The following BCKDHB variants were observed in gnomAD, a reference collection of about 807,000 sequenced individuals.
BCKDHB encodes the protein 2-oxoisovalerate dehydrogenase subunit beta, mitochondrial.
In BCKDHB, 41 loss-of-function variants were observed where a neutral mutation model predicts 48.5. The observed-to-expected ratio is 0.85, with a 90% CI of 0.66 to 1.10. The LOEUF is 1.10. Among genes scored for constraint, BCKDHB ranks in the 50% least tolerant of loss-of-function variants. The pLI is 0.00. For synonymous variants in BCKDHB, 201 were observed against 174.8 expected (o/e 1.15, Z -1.18); for missense variants, 496 against 494.2 (o/e 1.00, Z -0.03).
chr6:80,137,799 G>A (rs553268894), intron 3 of BCKDHB, among the ~76,000 whole-genome samples: 1 of 152,080 alleles, frequency 6.6e-6, no homozygotes, highest in East Asian at 1.9e-4. Flanking sequence ...TACTGTTGAA[G>A]CTGGCTGGGC....
At chr6:80,259,687 G>A (rs1337655381) in intron 8 of BCKDHB, among the ~76,000 whole-genome samples, 1 of 151,910 alleles carries the variant, frequency 6.6e-6, no homozygotes, top group Admixed American at 6.6e-5. Flanking sequence ...TTAATTTATT[G>A]GAAATAACGA....
At chr6:80,198,505 T>C (rs918640490) in intron 6 of BCKDHB, among the ~76,000 whole-genome samples, 1 of 152,198 alleles carries the variant, frequency 6.6e-6, no homozygotes, top group Non-Finnish European at 1.5e-5. Context: ...ACACTGATTA[T>C]ATAAATGTCA....
At chr6:80,216,986 C>G (rs1487892990) in intron 8 of BCKDHB, among the ~76,000 whole-genome samples, 1 of 152,022 alleles carries the variant, frequency 6.6e-6, no homozygotes, top group African/African-American at 2.4e-5. Context: ...GTGGCTCACT[C>G]CTGTAATCCT....
chr6:80,245,036 G>A (rs888398920), intron 8 of BCKDHB, among the ~76,000 whole-genome samples: 1 of 151,750 alleles, frequency 6.6e-6, no homozygotes, highest in East Asian at 1.9e-4. Flanking sequence ...CTCTCTATCA[G>A]TTTCCTCATC....
At chr6:80,337,196 G>A (rs984756782) in intron 9 of BCKDHB, among the ~76,000 whole-genome samples, 57 of 152,070 alleles carry the variant, frequency 3.7e-4, no homozygotes, top group African/African-American at 1.3e-3. Context: ...AAATGTTCAT[G>A]GCAGATTTAA....
At position 80,249,199 on chromosome 6, in the gene BCKDHB, G is replaced by A. The variant is rs532788140; in HGVS notation, c.952-23936G>A. ...CCCAATCCTCATCCCCAGTTGTGGT[G>A]ACCAAAAATGTCTTTAAGCATTGCT... On this transcript the variant is annotated intron_variant, in intron 8 of 9. Transcript: ENST00000320393. Among the ~76,000 whole-genome samples the A allele has an allele frequency of 1.3e-4, 20 of 151,192 alleles. No individual in the cohort carries two copies. In the South Asian group the frequency reaches 4.0e-3, roughly 30 times the overall value.
At position 80,122,212 on chromosome 6, in the gene BCKDHB, G is replaced by A. The variant is rs568980517; in HGVS notation, c.197-5335G>A. 2.3e-3 allele frequency among the ~76,000 whole-genome samples: 350 copies of A among 149,598 alleles called. 1 individual carries two copies. Among genetic ancestry groups the A allele is most frequent in the African/African-American group, 8.0e-3 (323 of 40,622 alleles). ...TCCCAGGGATGAAGTTGACTTGATCGTGGTGGATAAGATTTTTTATGTGCT... is the reference window on the plus strand; with the variant it reads ...TCCCAGGGATGAAGTTGACTTGATCATGGTGGATAAGATTTTTTATGTGCT... On this transcript the variant is annotated intron_variant, in intron 1 of 9. Coordinates refer to ENST00000320393, the MANE Select transcript of BCKDHB (RefSeq NM_183050.4).
At chr6:80,276,841 A>T (rs909920278) in intron 9 of BCKDHB, among the ~76,000 whole-genome samples, 39 of 151,992 alleles carry the variant, frequency 2.6e-4, no homozygotes, top group African/African-American at 9.4e-4. Context: ...TTCATAAAAC[A>T]TATATATAGA....
chr6:80,170,183 C>T (rs1045051495), intron 5 of BCKDHB, among the ~76,000 whole-genome samples: 1 of 151,942 alleles, frequency 6.6e-6, no homozygotes, highest in African/African-American at 2.4e-5. Flanking sequence ...GTTCAGAGGT[C>T]CAGAACAGAA....
At chr6:80,244,282 G>T (rs1390615260) in intron 8 of BCKDHB, among the ~76,000 whole-genome samples, 1 of 152,256 alleles carries the variant, frequency 6.6e-6, no homozygotes, top group Non-Finnish European at 1.5e-5. Context: ...GTAGGTGGAT[G>T]TCTTAAACCA....
At chr6:80,427,760 A>G in the BCKDHB span, among the ~76,000 whole-genome samples, 1 of 152,164 alleles carries the variant, frequency 6.6e-6, no homozygotes, top group African/African-American at 2.4e-5. Context: ...ATTTTCTTCA[A>G]ATCTTTGAAG....
At chr6:80,394,381 C>A in the BCKDHB span, among the ~76,000 whole-genome samples, 1 of 150,896 alleles carries the variant, frequency 6.6e-6, no homozygotes, top group African/African-American at 2.4e-5. Flanking sequence ...AAATAGAGTT[C>A]TATTCTTGTT....
chr6:80,322,889 CTTTTTTCTTTT>C (rs1481422194), intron 9 of BCKDHB, among the ~76,000 whole-genome samples: 8 of 116,634 alleles, frequency 6.9e-5, no homozygotes, highest in African/African-American at 2.5e-4. Context: ...CTTTTTTTTT[CTTTTTTCTTTT>C]TTTTTTTTTT....
intron 9 of BCKDHB, among the ~76,000 whole-genome samples, chr6:80,335,486 G>A (rs1769543045): frequency 6.6e-6 from 1 of 151,936 alleles, no homozygotes; most frequent in Non-Finnish European, 1.5e-5. Context: ...TATAAAATTT[G>A]AGAAGCTTCA....
chr6:80,361,634 C>T, the BCKDHB span, among the ~76,000 whole-genome samples: 1 of 152,186 alleles, frequency 6.6e-6, no homozygotes, highest in Non-Finnish European at 1.5e-5. Flanking sequence ...AGCATCACCC[C>T]CTCTAGAACT....
intron 8 of BCKDHB, among the ~76,000 whole-genome samples, chr6:80,229,712 T>C (rs1276751850): frequency 6.6e-6 from 1 of 152,060 alleles, no homozygotes; most frequent in Non-Finnish European, 1.5e-5. Flanking sequence ...TTAGAATCAA[T>C]GAAATAATTG....
chr6:80,324,533 CTAGCATATATATATATAT>C (rs1214729523), intron 9 of BCKDHB, among the ~76,000 whole-genome samples: 1 of 131,484 alleles, frequency 7.6e-6, no homozygotes, highest in Admixed American at 7.2e-5. Flanking sequence ...AAAGAACATT[CTAGCATATATATATATAT>C]TAGCATATAT....
chr6:80,373,014 A>G, the BCKDHB span, among the ~76,000 whole-genome samples: 2 of 152,112 alleles, frequency 1.3e-5, no homozygotes, highest in South Asian at 4.1e-4. Context: ...AATAGTGTCA[A>G]TAGGATTGGT....
intron 8 of BCKDHB, among the ~76,000 whole-genome samples, chr6:80,259,196 G>A (rs1482200859): frequency 6.6e-6 from 1 of 152,162 alleles, no homozygotes; most frequent in Admixed American, 6.6e-5. Context: ...TTGGAGATTT[G>A]TCTTGAATGC....
Sources: allele counts gnomAD v4.1 joint callset (sites outside exome capture counted in the v4.1 genomes callset), GRCh38; gene constraint gnomAD v4.1.1; transcripts MANE v1.5; gene names NCBI Gene and HGNC (gene_info 2026-07-23, HGNC 2026-07-21).